The following HUNK variants were observed in gnomAD, a reference collection of about 807,000 sequenced individuals.
The protein encoded by HUNK is hormonally up-regulated Neu-associated kinase.
In HUNK, 21 loss-of-function variants were observed where a neutral mutation model predicts 61.0. The observed-to-expected ratio is 0.34, with a 90% CI of 0.24 to 0.50. The LOEUF (loss-of-function observed/expected upper bound fraction) is 0.50, where lower values mean the gene tolerates loss of function less well. Among genes scored for constraint, HUNK ranks in the 20% least tolerant of loss-of-function variants. HUNK has a pLI of 0.98. For missense variants in HUNK, 772 were observed against 945.7 expected (o/e 0.82, Z 2.41); for synonymous variants, 371 against 386.1 (o/e 0.96, Z 0.46).
chr21:31,901,357 C>T (rs1361415110), intron 1 of HUNK, among the ~76,000 whole-genome samples: 2 of 152,172 alleles, frequency 1.3e-5, no homozygotes, highest in Non-Finnish European at 2.9e-5. Flanking sequence ...GTGTGACCAT[C>T]TTCACCTGTA....
intron 1 of HUNK, among the ~76,000 whole-genome samples, chr21:31,899,342 C>A (rs1414655472): frequency 2.0e-5 from 3 of 152,162 alleles, no homozygotes; most frequent in Non-Finnish European, 4.4e-5. Context: ...TCTTTTCTTC[C>A]TAGCTCTGGT....
intron 5 of HUNK, among the ~76,000 whole-genome samples, chr21:31,963,171 T>C (rs2123844459): frequency 6.6e-6 from 1 of 152,340 alleles, no homozygotes; most frequent in Non-Finnish European, 1.5e-5. Context: ...ACTTATTGAA[T>C]AATCCTTTGT....
Position 31,998,816 on chromosome 21 carries a change from A to C in HUNK, c.1777A>C (p.Asn593His), listed in dbSNP as rs1185050402. ...LNSPVSLARR[N>H]SSERTLSPGL... ...CTCCCCGGTCAGCTTGGCTCGCAGA[A>C]ATTCCAGCGAGAGGACGCTGTCCCC... is the stretch of plus-strand genomic sequence containing the variant. Residue 593 changes from asparagine (N) to histidine (H), a missense_variant, in exon 11 of 11, where the codon AAT becomes CAT. Asn to His is a moderately conservative substitution (Grantham distance 68). Around this residue, in one of 2 missense-constraint regions of HUNK, gnomAD observed 413 missense variants for 444.4 expected, o/e 0.93. Transcript: ENST00000270112. 1.2e-6 allele frequency: 2 copies of C among 1,614,048 alleles called. No individual in the cohort carries two copies. Among genetic ancestry groups the C allele is most frequent in the East Asian group, 4.5e-5 (2 of 44,872 alleles).
Position 31,924,073 on chromosome 21 carries a change from A to T in HUNK, c.262-395A>T, listed in dbSNP as rs2052642920. Among the ~76,000 whole-genome samples the T allele has an allele frequency of 6.6e-6, 1 of 152,148 alleles. No homozygotes were observed. The highest frequency in any genetic ancestry group is 1.5e-5 in the Non-Finnish European group (1 of 68,036). On this transcript the variant is annotated intron_variant, in intron 1 of 10. Transcript: ENST00000270112. The surrounding 1 kb of genome is among the most constrained non-coding windows in gnomAD (Gnocchi z 5.1). ...TCAGACCTGGAGGGAGATGATGGTGAGTCCTGAGGGGGACTGGGACAAGCC... is the reference window on the plus strand; with the variant it reads ...TCAGACCTGGAGGGAGATGATGGTGTGTCCTGAGGGGGACTGGGACAAGCC...
At chr21:31,974,820 T>C in intron 7 of HUNK, 103 bp downstream of exon 7, 1 of 1,152,148 alleles carries the variant, frequency 8.7e-7, no homozygotes. Flanking sequence ...AAGCTGCTAA[T>C]TTAATCTAAT....
At position 32,003,967 on chromosome 21, in the gene HUNK, A is replaced by G. The variant is rs1229625096; in HGVS notation, c.*4783A>G. 2.0e-5 allele frequency: 3 copies of G among 152,176 alleles called. No homozygotes were observed. Among genetic ancestry groups the G allele is most frequent in the Non-Finnish European group, 4.4e-5 (3 of 68,030 alleles). 9.4% of individuals were successfully genotyped at this position (152,176 alleles called of 1,614,324 possible). On this transcript the variant is annotated 3_prime_UTR_variant, in exon 11 of 11. Coordinates refer to ENST00000270112, the MANE Select transcript of HUNK (RefSeq NM_014586.2). ...GGATAGAATAGCTTTATGTGGAGCA[A>G]ACTTGAGGATCAATTGGAGTTGAGT...
chr21:31,873,774 G>A lies in HUNK; in HGVS notation c.100G>A (p.Gly34Arg), dbSNP rs1352790395. 29 of 1,514,316 alleles carry A rather than the reference G, an allele frequency of 1.9e-5. No individual in the cohort carries two copies. Among genetic ancestry groups the A allele is most frequent in the Non-Finnish European group, 2.5e-5 (28 of 1,133,894 alleles). 93.8% of individuals were successfully genotyped at this position (1,514,316 alleles called of 1,614,324 possible). Residue 34 changes from glycine (G) to arginine (R), a missense_variant, in exon 1 of 11, where the codon GGA becomes AGA. Gly to Arg is a moderately radical substitution (Grantham distance 125). Around this residue, in one of 2 missense-constraint regions of HUNK, gnomAD observed 359 missense variants for 501.3 expected, o/e 0.72. Coordinates refer to ENST00000270112, the MANE Select transcript of HUNK (RefSeq NM_014586.2). The surrounding 1 kb of genome is among the most constrained non-coding windows in gnomAD (Gnocchi z 6.1). ...GGCCAGGCCCGCGGCGGCCTGCGAG[G>A]GAAGTTTCCTGCCTGCCTGGGTGAG... ...DAARPAAACEGSFLPAWVSGV... is the reference protein window; with the variant it reads ...DAARPAAACERSFLPAWVSGV...
intron 1 of HUNK, among the ~76,000 whole-genome samples, chr21:31,922,873 G>A (rs2052632139): frequency 6.6e-6 from 1 of 152,200 alleles, no homozygotes; most frequent in African/African-American, 2.4e-5. Flanking sequence ...GGTACAAAAT[G>A]TAATTACAAA....
chr21:31,915,814 C>A (rs979353890), intron 1 of HUNK, among the ~76,000 whole-genome samples: 1 of 152,148 alleles, frequency 6.6e-6, no homozygotes, highest in African/African-American at 2.4e-5. Context: ...GATTTAAAAG[C>A]TACTCTATTC....
intron 7 of HUNK, 87 bp downstream of exon 7, chr21:31,974,804 T>G (rs1170603394): frequency 8.0e-7 from 1 of 1,253,006 alleles, no homozygotes; most frequent in Non-Finnish European, 1.1e-6. Context: ...TGCTGACACT[T>G]GATCCAAGCT....
At chr21:31,962,261 G>C (rs962425715) in intron 5 of HUNK, among the ~76,000 whole-genome samples, 1 of 152,226 alleles carries the variant, frequency 6.6e-6, no homozygotes, top group African/African-American at 2.4e-5. Context: ...TTGTTGATTA[G>C]CATTAGCATG....
intron 1 of HUNK, among the ~76,000 whole-genome samples, chr21:31,910,558 G>A (rs1471005779): frequency 2.0e-5 from 3 of 150,686 alleles, no homozygotes; most frequent in African/African-American, 4.9e-5. Flanking sequence ...GCGCGATCTC[G>A]GCTCACCGCA....
intron 1 of HUNK, among the ~76,000 whole-genome samples, chr21:31,874,492 G>A (rs1225429893): frequency 6.6e-6 from 1 of 151,794 alleles, no homozygotes; most frequent in East Asian, 2.0e-4. Flanking sequence ...GGCAGCTAGG[G>A]AATTTTTCGT....
At chr21:31,939,808 C>G (rs758895708) in intron 2 of HUNK, among the ~76,000 whole-genome samples, 1 of 150,766 alleles carries the variant, frequency 6.6e-6, no homozygotes, top group Non-Finnish European at 1.5e-5. Flanking sequence ...GAAATATTTG[C>G]CTGGCCGCTC....
At chr21:31,976,177 T>C (rs1568939434) in intron 7 of HUNK, among the ~76,000 whole-genome samples, 1 of 152,188 alleles carries the variant, frequency 6.6e-6, no homozygotes, top group Non-Finnish European at 1.5e-5. Flanking sequence ...ACCTCTCTGA[T>C]GGGGACAGAG....
At chr21:31,980,868 G>C (rs1013740751) in intron 7 of HUNK, among the ~76,000 whole-genome samples, 15 of 152,076 alleles carry the variant, frequency 9.9e-5, no homozygotes, top group African/African-American at 3.6e-4. Flanking sequence ...CCATGCCCAG[G>C]TAATTTTGTA....
chr21:31,956,812 A>G (rs551901109), intron 4 of HUNK, among the ~76,000 whole-genome samples: 3 of 152,242 alleles, frequency 2.0e-5, no homozygotes, highest in Admixed American at 6.5e-5. Flanking sequence ...CTTATACAAT[A>G]TAACTACTCC....
chr21:31,992,058 A>G (rs1158250767), intron 9 of HUNK, among the ~76,000 whole-genome samples: 1 of 152,232 alleles, frequency 6.6e-6, no homozygotes, highest in Non-Finnish European at 1.5e-5. Flanking sequence ...AGAGCGAGGA[A>G]TGGACTCCAG....
rs571116386 is a variant in HUNK, at chr21:31,905,195, G to A, written c.262-19273G>A. On this transcript the variant is annotated intron_variant, in intron 1 of 10. Coordinates refer to ENST00000270112, the MANE Select transcript of HUNK (RefSeq NM_014586.2). The stretch of plus-strand genomic sequence containing the variant: ...TGGACACGGACACATAGGGAAGACC[G>A]CATGAAGACACAAGGAGATGATAAA... 9.2e-5 allele frequency among the ~76,000 whole-genome samples: 14 copies of A among 152,230 alleles called. No individual in the cohort carries two copies. In the South Asian group the frequency reaches 2.9e-3, roughly 32 times the overall value.
Sources: allele counts gnomAD v4.1 joint callset (sites outside exome capture counted in the v4.1 genomes callset), GRCh38; gene constraint gnomAD v4.1.1; regional missense constraint gnomAD v4.1.1; non-coding constraint Gnocchi (gnomAD v3.1); transcripts MANE v1.5; gene names NCBI Gene and HGNC (gene_info 2026-07-23, HGNC 2026-07-21).